The following GALNTL6 variants were observed in gnomAD, a reference collection of about 807,000 sequenced individuals.
GALNTL6 encodes the protein polypeptide N-acetylgalactosaminyltransferase like 6.
GALNTL6 carries 46 observed loss-of-function variants against 73.7 expected under a neutral mutation model. The observed-to-expected ratio is 0.62, with a 90% confidence interval of 0.49 to 0.80. GALNTL6 has a LOEUF of 0.80. GALNTL6 is among the 30% of genes least tolerant of loss of function. GALNTL6 has a pLI of 0.00. For synonymous variants in GALNTL6, 259 were observed against 263.7 expected, an observed-to-expected ratio of 0.98 and a Z score of 0.17; for missense variants, 604 against 755.0, an observed-to-expected ratio of 0.80 and a Z score of 2.34.
rs565425740 is a variant in GALNTL6, at chr4:172,864,568, G to C, written c.924-18222G>C. Among the ~76,000 whole-genome samples, 3 of 152,284 alleles carry C rather than the reference G, an allele frequency of 2.0e-5. No individual in the cohort carries two copies. In the South Asian group the frequency reaches 6.2e-4, roughly 32 times the overall value. On this transcript the variant is annotated intron_variant, in intron 7 of 12. Coordinates refer to ENST00000506823, the MANE Select transcript of GALNTL6 (RefSeq NM_001034845.3). ...ATATAACAGTTTGCTGTTTCCCTTGGAGAAGCCATGATATCTCTATTTCAG... is the reference window on the plus strand; with the variant it reads ...ATATAACAGTTTGCTGTTTCCCTTGCAGAAGCCATGATATCTCTATTTCAG...
intron 7 of GALNTL6, among the ~76,000 whole-genome samples, chr4:172,862,838 A>AGGG (rs1399202248): frequency 6.6e-6 from 1 of 152,234 alleles, no homozygotes; most frequent in Non-Finnish European, 1.5e-5. Flanking sequence ...CATGTCAGAG[A>AGGG]ACTTCACAGC....
intron 2 of GALNTL6, among the ~76,000 whole-genome samples, chr4:171,947,602 T>C (rs2111024892): frequency 6.6e-6 from 1 of 152,276 alleles, no homozygotes; most frequent in South Asian, 2.1e-4. Flanking sequence ...AATGGCTGCT[T>C]AACTCACTGC....
intron 2 of GALNTL6, among the ~76,000 whole-genome samples, chr4:172,115,815 CAGTG>C (rs1165733341): frequency 6.6e-6 from 1 of 151,848 alleles, no homozygotes; most frequent in Non-Finnish European, 1.5e-5. Context: ...TAAGAAATTA[CAGTG>C]AGGAATAATA....
At chr4:172,373,413 C>G (rs1439254423) in intron 5 of GALNTL6, among the ~76,000 whole-genome samples, 2 of 152,214 alleles carry the variant, frequency 1.3e-5, no homozygotes, top group East Asian at 3.9e-4. Context: ...CTAGTCTCCA[C>G]TGACCGTCGG....
intron 2 of GALNTL6, among the ~76,000 whole-genome samples, chr4:171,821,282 C>T (rs1042423186): frequency 3.3e-5 from 5 of 152,050 alleles, no homozygotes; most frequent in African/African-American, 1.2e-4. Context: ...GTCAAGAGAT[C>T]CCCCCACTTC....
rs1046694777 is a variant in GALNTL6 at position 171,927,949 on chromosome 4, T to C, written c.138+113231T>C. Among the ~76,000 whole-genome samples, 36 of 152,206 alleles carry C rather than the reference T, an allele frequency of 2.4e-4. 1 individual carries two copies. The highest frequency in any genetic ancestry group is 8.7e-4 in the African/African-American group (36 of 41,448). Reference sequence around the variant, plus strand: ...TCATTACCTATCTATTCATTACATATGTTTCTTTATTTCAGAAAAATTACC... The same window carrying C: ...TCATTACCTATCTATTCATTACATACGTTTCTTTATTTCAGAAAAATTACC... On this transcript the variant is annotated intron_variant, in intron 2 of 12. Coordinates refer to ENST00000506823, the MANE Select transcript of GALNTL6 (RefSeq NM_001034845.3).
chr4:172,777,488 G>T (rs1739135068), intron 5 of GALNTL6, among the ~76,000 whole-genome samples: 1 of 152,160 alleles, frequency 6.6e-6, no homozygotes. Context: ...GAAACTTATT[G>T]TTGTAAAGTT....
chr4:172,009,638 G>T (rs917999164), intron 2 of GALNTL6, among the ~76,000 whole-genome samples: 1 of 152,088 alleles, frequency 6.6e-6, no homozygotes, highest in East Asian at 1.9e-4. Flanking sequence ...CTGAACAAAT[G>T]TGGTTTTGTG....
At chr4:172,681,499 A>T (rs1732631332) in intron 5 of GALNTL6, among the ~76,000 whole-genome samples, 4 of 152,200 alleles carry the variant, frequency 2.6e-5, no homozygotes, top group Admixed American at 1.3e-4. Flanking sequence ...ATGACTTATA[A>T]TTAGAAATAT....
intron 2 of GALNTL6, among the ~76,000 whole-genome samples, chr4:171,942,048 C>G (rs998244030): frequency 1.3e-5 from 2 of 151,966 alleles, no homozygotes; most frequent in Non-Finnish European, 2.9e-5. Context: ...CATTTTATTT[C>G]TTGGTTTATG....
intron 2 of GALNTL6, among the ~76,000 whole-genome samples, chr4:172,211,939 G>A (rs1416475977): frequency 6.6e-6 from 1 of 152,096 alleles, no homozygotes; most frequent in African/African-American, 2.4e-5. Context: ...ATTGGTATTA[G>A]GTGCCAACAT....
chr4:172,667,667 T>G (rs1731746286), intron 5 of GALNTL6: 2 of 152,274 alleles, frequency 1.3e-5, no homozygotes, highest in South Asian at 4.1e-4. Context: ...CAAAGACCCT[T>G]CACAGTAGTT....
At chr4:172,160,378 A>C (rs1734419122) in intron 2 of GALNTL6, among the ~76,000 whole-genome samples, 1 of 152,134 alleles carries the variant, frequency 6.6e-6, no homozygotes, top group African/African-American at 2.4e-5. Flanking sequence ...GAGCGATAGC[A>C]TAGGGCCCAG....
At chr4:172,941,002 C>A (rs767825549) in intron 9 of GALNTL6, among the ~76,000 whole-genome samples, 9 of 152,178 alleles carry the variant, frequency 5.9e-5, no homozygotes, top group Non-Finnish European at 1.2e-4. Context: ...AATTTAGTTT[C>A]TTCCAACTTA....
At chr4:172,749,402 T>C (rs1737298780) in intron 5 of GALNTL6, among the ~76,000 whole-genome samples, 1 of 152,158 alleles carries the variant, frequency 6.6e-6, no homozygotes, top group South Asian at 2.1e-4. Flanking sequence ...AGCTAACCAA[T>C]TTTCTCAATA....
intron 5 of GALNTL6, among the ~76,000 whole-genome samples, chr4:172,468,506 A>G (rs1732922636): frequency 6.6e-6 from 1 of 152,290 alleles, no homozygotes; most frequent in East Asian, 1.9e-4. Flanking sequence ...CCTTCCTGTA[A>G]GGGGATTATA....
At chr4:172,740,217 A>T (rs1481881124) in intron 5 of GALNTL6, among the ~76,000 whole-genome samples, 2 of 152,164 alleles carry the variant, frequency 1.3e-5, no homozygotes, top group Non-Finnish European at 2.9e-5. Flanking sequence ...AACCATTCAG[A>T]AAAACAGACA....
intron 5 of GALNTL6, among the ~76,000 whole-genome samples, chr4:172,413,565 C>T (rs1322040539): frequency 3.3e-5 from 5 of 151,894 alleles, no homozygotes; most frequent in African/African-American, 4.8e-5. Context: ...TGAGATTAGG[C>T]ATAGGAATTA....
chr4:172,972,983 A>T (rs933504128), intron 10 of GALNTL6, among the ~76,000 whole-genome samples: 2 of 152,238 alleles, frequency 1.3e-5, no homozygotes, highest in African/African-American at 4.8e-5. Flanking sequence ...AAAGGGAAAC[A>T]AGCATTTGTC....
Sources: gnomAD v4.1 joint callset for allele counts (sites outside exome capture counted in the v4.1 genomes callset) on GRCh38, gnomAD v4.1.1 for gene constraint, MANE v1.5 for transcripts, NCBI Gene and HGNC (gene_info 2026-07-23, HGNC 2026-07-21) for gene names.